SVEP1: variants seen among roughly 807,000 people sequenced by gnomAD.
The protein encoded by SVEP1 is sushi, von Willebrand factor type A, EGF and pentraxin domain containing 1.
In SVEP1, 164 loss-of-function variants were observed where a neutral mutation model predicts 367.3. That is an observed-to-expected ratio of 0.45 (90% CI 0.39 to 0.51). The LOEUF (loss-of-function observed/expected upper bound fraction) is 0.51, where lower values mean the gene tolerates loss of function less well. SVEP1 is among the 20% of genes least tolerant of loss of function. The pLI, the probability that SVEP1 is intolerant of heterozygous loss-of-function variation, is 0.00. For synonymous variants in SVEP1, 1,666 were observed against 1,611.6 expected (o/e 1.03, Z -0.81); for missense variants, 4,117 against 4,425.3 (o/e 0.93, Z 1.98).
intron 36 of SVEP1, among the ~76,000 whole-genome samples, chr9:110,426,853 C>T (rs1039863648): frequency 1.3e-5 from 2 of 152,130 alleles, no homozygotes; most frequent in Non-Finnish European, 2.9e-5. Context: ...GAGGTGATCT[C>T]TGAATTAAAT....
At chr9:110,545,472 C>T (rs567878927) in intron 3 of SVEP1, among the ~76,000 whole-genome samples, 3 of 152,190 alleles carry the variant, frequency 2.0e-5, no homozygotes, top group South Asian at 2.1e-4. Flanking sequence ...AATTCCATTT[C>T]GAAGTGATGG....
In SVEP1 at chr9:110,459,101, T is replaced by C. The variant is rs1369597111; in HGVS notation, c.3335A>G (p.Glu1112Gly). 1.2e-6 allele frequency: 2 copies of C among 1,613,676 alleles called. No homozygotes were observed. The highest frequency in any genetic ancestry group is 1.7e-6 in the Non-Finnish European group (2 of 1,179,666). The change falls in exon 19 of 48, where the codon GAA (glutamate) becomes GGA (glycine). Residue 1112 changes from glutamate (E) to glycine (G), a missense_variant. By Grantham distance (98) the Glu-to-Gly change is moderately conservative. Coordinates refer to ENST00000374469, the MANE Select transcript of SVEP1 (RefSeq NM_153366.4). The part of the protein sequence containing the change: ...NISACGVPCP[E>G]GKFSRSGLMP... ...TAACCCAGAACGCGAGAATTTTCCT[T>C]CTGGACAAGGAACTGCAGAGGTAAA... is the stretch of plus-strand genomic sequence containing the variant.
intron 3 of SVEP1, among the ~76,000 whole-genome samples, chr9:110,526,614 A>G (rs1237472361): frequency 6.6e-6 from 1 of 152,094 alleles, no homozygotes; most frequent in African/African-American, 2.4e-5. Flanking sequence ...TCTGGAAAAC[A>G]TTTTGGCAAG....
At chr9:110,458,364 ATTAC>A (rs1424307542) in intron 20 of SVEP1, 103 bp downstream of exon 20, 7 of 880,402 alleles carry the variant, frequency 8.0e-6, no homozygotes, top group African/African-American at 3.4e-5. Context: ...ATACATCTTG[ATTAC>A]TTAAAGTTTC....
chr9:110,479,563 G>C (rs1427868446), intron 13 of SVEP1, 72 bp downstream of exon 13: 1 of 1,487,424 alleles, frequency 6.7e-7, no homozygotes, highest in Non-Finnish European at 8.9e-7. Context: ...AGAAATCGCA[G>C]TTGTAAATGA....
intron 36 of SVEP1, among the ~76,000 whole-genome samples, chr9:110,425,440 A>T (rs1828238215): frequency 6.6e-6 from 1 of 152,206 alleles, no homozygotes; most frequent in Non-Finnish European, 1.5e-5. Context: ...TCAATGACAG[A>T]AAAAGTTTCC....
At chr9:110,410,326 A>G (rs1828026651) in intron 37 of SVEP1, among the ~76,000 whole-genome samples, 1 of 152,224 alleles carries the variant, frequency 6.6e-6, no homozygotes, top group Non-Finnish European at 1.5e-5. Flanking sequence ...TTAGCGTGAA[A>G]GCAGGACATA....
At chr9:110,575,580 A>C (rs918065997) in intron 1 of SVEP1, among the ~76,000 whole-genome samples, 1 of 152,206 alleles carries the variant, frequency 6.6e-6, no homozygotes, top group Non-Finnish European at 1.5e-5. Flanking sequence ...GTAGCTATTT[A>C]TCTCTTAAAG....
rs556390803 is a variant in SVEP1 at position 110,504,241 on chromosome 9, T to A, written c.1304-1024A>T. Among the ~76,000 whole-genome samples, 194 of 151,844 alleles carry A rather than the reference T, an allele frequency of 1.3e-3. 2 individuals are homozygous for A. The Middle Eastern group carries it at 0.017, about 13-fold the overall frequency. On this transcript the variant is annotated intron_variant, in intron 5 of 47. Transcript: ENST00000374469. Reference sequence around the variant, plus strand: ...GGCTATTTTTTTTTTTGAATTTTTTTATTAGAGATGGGGTTTAATTGTGTT... The same window carrying A: ...GGCTATTTTTTTTTTTGAATTTTTTAATTAGAGATGGGGTTTAATTGTGTT...
At position 110,482,361 on chromosome 9, in the gene SVEP1, C is replaced by G; in HGVS notation, c.2170G>C (p.Gly724Arg). The G allele has an allele frequency of 6.2e-7, 1 of 1,610,988 alleles. No homozygotes were observed. Among genetic ancestry groups the G allele is most frequent in the Non-Finnish European group, 8.5e-7 (1 of 1,178,694 alleles). ...RTCDIHIVIK[G>R]SPCEIPFTPV... The stretch of plus-strand genomic sequence containing the variant: ...TTCTGGGGACTTATGAAGACAATAC[C>G]TTTTATGACAATATGGATATCACAT... The change falls in exon 11 of 48, where the codon GGT (glycine) becomes CGT (arginine). Residue 724 changes from glycine to arginine, a missense_variant and splice_region_variant. By Grantham distance (125) the Gly-to-Arg change is moderately radical (BLOSUM62 -2). Around this residue, in one of 4 missense-constraint regions of SVEP1, gnomAD observed 2,174 missense variants for 2,494.3 expected, o/e 0.87. Coordinates refer to ENST00000374469, the MANE Select transcript of SVEP1 (RefSeq NM_153366.4).
rs762495123 is a variant in SVEP1 at position 110,445,896 on chromosome 9, T to C, written c.4404A>G (p.Pro1468=). The change falls in exon 26 of 48, where the codon CCA becomes CCG. Residue 1468 remains proline, a synonymous_variant. Transcript: ENST00000374469. The part of the protein sequence containing the change: ...KSSDDMNYGT[P]ISYAVDNGSD... ...TGCCGTTATCAACTGCATAGGAGAT[T>C]GGTGTTCCATAGTTCATGTCGTCAG... is the stretch of plus-strand genomic sequence containing the variant. 1.2e-5 allele frequency: 19 copies of C among 1,613,960 alleles called. No homozygotes were observed. The highest frequency in any genetic ancestry group is 1.4e-5 in the Non-Finnish European group (17 of 1,179,848).
intron 43 of SVEP1, among the ~76,000 whole-genome samples, chr9:110,384,073 C>G (rs374938704): frequency 5.9e-5 from 9 of 152,130 alleles, no homozygotes; most frequent in African/African-American, 2.2e-4. Context: ...TTCCTCCCTC[C>G]GATAACTCAG....
chr9:110,376,699 A>C (rs1266414565), intron 45 of SVEP1: 1 of 152,254 alleles, frequency 6.6e-6, no homozygotes, highest in East Asian at 1.9e-4. Context: ...AATAAAGTGT[A>C]GTTGAGATAT....
intron 13 of SVEP1, among the ~76,000 whole-genome samples, chr9:110,477,976 C>T (rs1210395479): frequency 1.3e-5 from 2 of 152,160 alleles, no homozygotes; most frequent in African/African-American, 2.4e-5. Flanking sequence ...TCTCCACAGT[C>T]TGATTTCTCT....
chr9:110,385,018 C>A (rs975898105), intron 43 of SVEP1, among the ~76,000 whole-genome samples: 1 of 152,196 alleles, frequency 6.6e-6, no homozygotes, highest in Non-Finnish European at 1.5e-5. Context: ...TGCTCTGTCT[C>A]CCAGGCTGGA....
At chr9:110,414,499 G>A (rs2781265) in intron 36 of SVEP1, among the ~76,000 whole-genome samples, 1 of 151,688 alleles carries the variant, frequency 6.6e-6, no homozygotes, top group Admixed American at 6.6e-5. Context: ...TTTGTATGAA[G>A]ATCTGAACTT....
At chr9:110,485,183 C>A (rs12115541) in intron 9 of SVEP1, among the ~76,000 whole-genome samples, 4,292 of 152,222 alleles carry the variant, frequency 0.028, 193 homozygotes, top group African/African-American at 0.098. Flanking sequence ...TGGAATCAAC[C>A]CAAATGCCCA....
intron 8 of SVEP1, among the ~76,000 whole-genome samples, chr9:110,495,238 G>C (rs758434082): frequency 2.0e-5 from 3 of 151,908 alleles, no homozygotes; most frequent in Admixed American, 6.6e-5. Flanking sequence ...CTGAATAACG[G>C]CCCCCCCAAA....
chr9:110,557,745 GCTAT>G (rs758226761), intron 1 of SVEP1, among the ~76,000 whole-genome samples: 5 of 152,050 alleles, frequency 3.3e-5, no homozygotes, highest in Non-Finnish European at 7.4e-5. Flanking sequence ...TGTAAATTTT[GCTAT>G]CTATTATTAT....
Sources: gnomAD v4.1 joint callset for allele counts (sites outside exome capture counted in the v4.1 genomes callset) on GRCh38, gnomAD v4.1.1 for gene constraint, gnomAD v4.1.1 regional missense constraint, MANE v1.5 for transcripts, NCBI Gene and HGNC (gene_info 2026-07-23, HGNC 2026-07-21) for gene names.